ASXL3: variants seen among roughly 807,000 people sequenced by gnomAD.
The protein encoded by ASXL3 is putative Polycomb group protein ASXL3.
In ASXL3, 34 loss-of-function variants were observed where a neutral mutation model predicts 170.6. The ratio of observed to expected loss-of-function variants is 0.20; its 90% CI spans 0.15 to 0.27. ASXL3 has a LOEUF of 0.27. Among genes scored for constraint, ASXL3 ranks in the 10% least tolerant of loss-of-function variants. ASXL3 has a pLI of 1.00. For missense variants in ASXL3, 2,592 were observed against 2,695.3 expected (o/e 0.96, Z 0.85); for synonymous variants, 1,002 against 989.1 (o/e 1.01, Z -0.24).
chr18:33,629,632 C>T (rs1194628852), intron 2 of ASXL3, among the ~76,000 whole-genome samples: 1 of 151,932 alleles, frequency 6.6e-6, no homozygotes, highest in Non-Finnish European at 1.5e-5. Context: ...ACATATTCTC[C>T]TTTTTCGTTA....
chr18:33,598,744 C>T (rs1190309281), intron 1 of ASXL3, among the ~76,000 whole-genome samples: 2 of 152,054 alleles, frequency 1.3e-5, no homozygotes, highest in South Asian at 2.1e-4. Flanking sequence ...ATATGAACCT[C>T]GATGACAAGA....
chr18:33,635,440 C>A (rs1295528646), intron 2 of ASXL3, among the ~76,000 whole-genome samples: 1 of 152,182 alleles, frequency 6.6e-6, no homozygotes, highest in Non-Finnish European at 1.5e-5. Context: ...AGCTTTATCC[C>A]CTGCAGGCCC....
chr18:33,584,836 A>G (rs2065022807), intron 1 of ASXL3, among the ~76,000 whole-genome samples: 1 of 152,052 alleles, frequency 6.6e-6, no homozygotes. Context: ...CTGTGCATGC[A>G]CACACATACA....
At chr18:33,723,995 A>C (rs1020700668) in intron 8 of ASXL3, among the ~76,000 whole-genome samples, 1 of 152,150 alleles carries the variant, frequency 6.6e-6, no homozygotes, top group Non-Finnish European at 1.5e-5. Flanking sequence ...ATGTAAATTG[A>C]TTTTTAGCAT....
Position 33,739,426 on chromosome 18 carries a change from A to G in ASXL3, c.2022A>G (p.Ala674=), listed in dbSNP as rs370050131. The change falls in exon 11 of 12, where the codon GCA becomes GCG. Residue 674 remains alanine, a synonymous_variant. Transcript: ENST00000269197. ...QRNSTDENFH[A]SLMSEISPIS... is the part of the protein sequence containing the mutation. ...ATTCCACTGATGAAAACTTTCATGC[A>G]TCTTTGATGTCAGAAATATCTCCAA... 76 of 1,613,858 alleles carry G rather than the reference A, an allele frequency of 4.7e-5. No homozygotes were observed. The highest frequency in any genetic ancestry group is 6.1e-5 in the Non-Finnish European group (72 of 1,179,878).
chr18:33,716,537 T>C (rs761040224), intron 8 of ASXL3, among the ~76,000 whole-genome samples: 1 of 152,190 alleles, frequency 6.6e-6, no homozygotes, highest in African/African-American at 2.4e-5. Context: ...ATGACAGGCT[T>C]TCTCTATTAC....
intron 8 of ASXL3, among the ~76,000 whole-genome samples, chr18:33,709,278 A>G (rs1159336966): frequency 6.6e-6 from 1 of 151,562 alleles, no homozygotes; most frequent in Non-Finnish European, 1.5e-5. Flanking sequence ...TTTATACCTA[A>G]TGGAAATCAT....
At position 33,734,181 on chromosome 18, in the gene ASXL3, T is replaced by A. The variant is rs1305801719; in HGVS notation, c.977-129T>A. On this transcript the variant is annotated intron_variant, in intron 9 of 11. Transcript: ENST00000269197. Reference sequence around the variant, plus strand: ...TTCATAAAAAGAGAAGATGTAGAAATGTTATCATTATTTGTCCTTGTACTT... The same window carrying A: ...TTCATAAAAAGAGAAGATGTAGAAAAGTTATCATTATTTGTCCTTGTACTT... 5.9e-6 allele frequency: 3 copies of A among 506,982 alleles called. No individual in the cohort carries two copies. In the African/African-American group the frequency reaches 7.1e-5, roughly 12 times the overall value. The allele number at this position is 506,982 out of a possible 1,614,324, so 31.4% of individuals were successfully genotyped here. A position where few individuals can be genotyped will look rare whatever the true frequency, so the allele number is the denominator to read the frequency against.
intron 8 of ASXL3, among the ~76,000 whole-genome samples, chr18:33,699,782 A>T (rs1375093769): frequency 6.6e-6 from 1 of 152,090 alleles, no homozygotes; most frequent in Non-Finnish European, 1.5e-5. Context: ...TTGCTGTAAT[A>T]CATGGGGTAT....
intron 8 of ASXL3, among the ~76,000 whole-genome samples, chr18:33,722,601 C>G (rs1032012060): frequency 6.6e-6 from 1 of 151,982 alleles, no homozygotes; most frequent in African/African-American, 2.4e-5. Context: ...GAGATTAGCT[C>G]ATGAGGCTTA....
intron 6 of ASXL3, 81 bp from the exon 7 acceptor site, chr18:33,671,666 C>T: frequency 7.9e-7 from 1 of 1,258,986 alleles, no homozygotes; most frequent in Non-Finnish European, 1.1e-6. Flanking sequence ...ATTATATCTA[C>T]AGTTCCTCAA....
intron 2 of ASXL3, among the ~76,000 whole-genome samples, chr18:33,639,848 A>T (rs911403915): frequency 1.3e-5 from 2 of 152,160 alleles, no homozygotes; most frequent in African/African-American, 4.8e-5. Flanking sequence ...TGAGGTCTGG[A>T]GTTCGAAGTT....
intron 1 of ASXL3, among the ~76,000 whole-genome samples, chr18:33,590,490 T>G (rs930882623): frequency 3.9e-5 from 6 of 152,270 alleles, no homozygotes; most frequent in Admixed American, 1.3e-4. Flanking sequence ...AAACAAATTA[T>G]AAATGACATT....
chr18:33,665,755 A>G (rs1361307808), intron 5 of ASXL3, among the ~76,000 whole-genome samples: 3 of 152,134 alleles, frequency 2.0e-5, no homozygotes, highest in Admixed American at 6.5e-5. Flanking sequence ...GTTTATTTAA[A>G]GGTTTTTTTT....
chr18:33,731,000 G>T (rs1367265999), intron 8 of ASXL3, among the ~76,000 whole-genome samples: 1 of 152,118 alleles, frequency 6.6e-6, no homozygotes, highest in Non-Finnish European at 1.5e-5. Flanking sequence ...AGCTTATCTT[G>T]CATTTGTTCT....
At chr18:33,715,146 A>G (rs2067142482) in intron 8 of ASXL3, among the ~76,000 whole-genome samples, 1 of 152,090 alleles carries the variant, frequency 6.6e-6, no homozygotes, top group Non-Finnish European at 1.5e-5. Flanking sequence ...TTGCTTCTCA[A>G]AGTGTCATTG....
chr18:33,597,941 C>T (rs2065145528), intron 1 of ASXL3, among the ~76,000 whole-genome samples: 1 of 152,120 alleles, frequency 6.6e-6, no homozygotes, highest in Non-Finnish European at 1.5e-5. Context: ...TATGTATTAG[C>T]TGCTCTTATT....
rs1352453723 is a variant in ASXL3 at position 33,739,446 on chromosome 18, C to G, written c.2042C>G (p.Ser681Cys). 29 of 1,613,838 alleles carry G rather than the reference C, an allele frequency of 1.8e-5. No individual in the cohort carries two copies. Among genetic ancestry groups the G allele is most frequent in the Non-Finnish European group, 2.4e-5 (28 of 1,179,888 alleles). ...CATGCATCTTTGATGTCAGAAATAT[C>G]TCCAATATCCACTTCACCTGAAATA... is the stretch of plus-strand genomic sequence containing the variant. ...NFHASLMSEI[S>C]PISTSPEISE... The change falls in exon 11 of 12, where the codon TCT (serine) becomes TGT (cysteine). Residue 681 changes from serine (S) to cysteine (C), a missense_variant. Around this residue, in one of 4 missense-constraint regions of ASXL3, gnomAD observed 2,246 missense variants for 2,219.6 expected, o/e 1.01. Coordinates refer to ENST00000269197, the MANE Select transcript of ASXL3 (RefSeq NM_030632.3).
intron 4 of ASXL3, among the ~76,000 whole-genome samples, chr18:33,649,339 G>A (rs1351201375): frequency 6.6e-6 from 1 of 152,042 alleles, no homozygotes; most frequent in East Asian, 1.9e-4. Flanking sequence ...GTGAAGGTAG[G>A]CCAGTACTTG....
Sources: gnomAD v4.1 joint callset for allele counts (sites outside exome capture counted in the v4.1 genomes callset) on GRCh38, gnomAD v4.1.1 for gene constraint, gnomAD v4.1.1 regional missense constraint, MANE v1.5 for transcripts, NCBI Gene and HGNC (gene_info 2026-07-23, HGNC 2026-07-21) for gene names.